Variants in SUDS3 observed in about 807,000 individuals in gnomAD.
SUDS3 encodes SIN3A corepressor complex component SDS3, also known as sin3 histone deacetylase corepressor complex component SDS3.
A neutral mutation model predicts 53.5 loss-of-function variants in SUDS3; 23 were observed. The ratio of observed to expected loss-of-function variants is 0.43; its 90% CI spans 0.31 to 0.61. The LOEUF is 0.61. Among genes scored for constraint, SUDS3 ranks in the 20% least tolerant of loss-of-function variants. SUDS3 has a pLI of 0.10. For synonymous variants in SUDS3, 150 were observed against 148.5 expected (o/e 1.01, Z -0.08); for missense variants, 291 against 405.9 (o/e 0.72, Z 2.43).
chr12:118,406,352 G>A (rs2046308249), intron 10 of SUDS3, among the ~76,000 whole-genome samples: 1 of 152,128 alleles, frequency 6.6e-6, no homozygotes, highest in South Asian at 2.1e-4. Flanking sequence ...GACTCCTTGA[G>A]GTTCTGTAGC....
At chr12:118,401,929 A>G in intron 8 of SUDS3, 54 bp from the exon 9 acceptor site, 1 of 1,609,782 alleles carries the variant, frequency 6.2e-7, no homozygotes, top group Non-Finnish European at 8.5e-7. Flanking sequence ...TGACACCTGA[A>G]GTTGCACCTG....
At chr12:118,396,655 T>C (rs1027721553) in intron 6 of SUDS3, among the ~76,000 whole-genome samples, 3 of 152,250 alleles carry the variant, frequency 2.0e-5, no homozygotes, top group Admixed American at 6.5e-5. Context: ...GTATGTTGCA[T>C]TGAAGCTTTT....
Position 118,417,142 on chromosome 12 carries a change from A to G in SUDS3, c.*2709A>G, listed in dbSNP as rs574782965. On this transcript the variant is annotated 3_prime_UTR_variant, in exon 12 of 12. Coordinates refer to ENST00000543473, the MANE Select transcript of SUDS3 (RefSeq NM_022491.3). Reference sequence around the variant, plus strand: ...AATTTCCAGATGGATTTCTGTAGCCATACCAAAGCCAGGGTGTTTTCATTC... The same window carrying G: ...AATTTCCAGATGGATTTCTGTAGCCGTACCAAAGCCAGGGTGTTTTCATTC... 7 of 152,014 alleles carry G rather than the reference A, an allele frequency of 4.6e-5. No individual in the cohort carries two copies. Among genetic ancestry groups the G allele is most frequent in the East Asian group, 1.9e-4 (1 of 5,162 alleles). The allele number at this position is 152,014 out of a possible 1,614,324, so 9.4% of individuals were successfully genotyped here. A position where few individuals can be genotyped will look rare whatever the true frequency, so the allele number is the denominator to read the frequency against.
intron 7 of SUDS3, 71 bp from the exon 8 acceptor site, chr12:118,401,688 G>A: frequency 8.2e-7 from 1 of 1,215,202 alleles, no homozygotes; most frequent in Non-Finnish European, 1.2e-6. Flanking sequence ...CTAAAATACT[G>A]GTACCATTGT....
rs1017064886 is a variant in SUDS3, at chr12:118,415,632, C to T, written c.*1199C>T. ...ACTCATGTTGCCATCTTGAGATGTT[C>T]AAAAAATTTGGGGTTAGAGCAACTG... On this transcript the variant is annotated 3_prime_UTR_variant, in exon 12 of 12. Coordinates refer to ENST00000543473, the MANE Select transcript of SUDS3 (RefSeq NM_022491.3). The T allele has an allele frequency of 1.3e-5, 2 of 152,032 alleles. No homozygotes were observed. Among genetic ancestry groups the T allele is most frequent in the Non-Finnish European group, 2.9e-5 (2 of 68,010 alleles). 9.4% of individuals were successfully genotyped at this position (152,032 alleles called of 1,614,324 possible).
In SUDS3 at chr12:118,386,191, GCTCCTTTA is replaced by G; in HGVS notation, c.340+7_340+14del. The G allele has an allele frequency of 6.3e-7, 1 of 1,591,774 alleles. No individual in the cohort carries two copies. Among genetic ancestry groups the G allele is most frequent in the Non-Finnish European group, 8.6e-7 (1 of 1,168,344 alleles). On this transcript the variant is annotated splice_region_variant and intron_variant, in intron 4 of 11. Coordinates refer to ENST00000543473, the MANE Select transcript of SUDS3 (RefSeq NM_022491.3). ...AGAGAGGATACGGAATGCAGGTAAG[GCTCCTTTA>G]AATGGCAATGAATCATCTTTCAATG...
At chr12:118,414,245 C>A in intron 11 of SUDS3, 90 bp from the exon 12 acceptor site, 1 of 924,430 alleles carries the variant, frequency 1.1e-6, no homozygotes, top group South Asian at 1.6e-5. Context: ...CTTCTGCTTG[C>A]ATCTCACTCG....
intron 2 of SUDS3, among the ~76,000 whole-genome samples, chr12:118,382,828 T>A (rs1249410489): frequency 1.1e-5 from 1 of 87,506 alleles, no homozygotes; most frequent in Non-Finnish European, 2.2e-5. Context: ...CCACCACGTC[T>A]GGCTAATTTT....
intron 4 of SUDS3, among the ~76,000 whole-genome samples, chr12:118,387,357 CT>C (rs948186389): frequency 4.6e-5 from 7 of 152,158 alleles, no homozygotes; most frequent in African/African-American, 1.7e-4. Flanking sequence ...AGATCTGATC[CT>C]TTAAGCAGAA....
At chr12:118,391,905 G>C (rs2046171493) in intron 6 of SUDS3, among the ~76,000 whole-genome samples, 1 of 152,210 alleles carries the variant, frequency 6.6e-6, no homozygotes, top group Non-Finnish European at 1.5e-5. Flanking sequence ...AGGTAGGAAA[G>C]TTACATGAGA....
chr12:118,376,649 C>T lies in SUDS3; in HGVS notation c.-43C>T. 2 of 1,417,862 alleles carry T rather than the reference C, an allele frequency of 1.4e-6. No individual in the cohort carries two copies. The highest frequency in any genetic ancestry group is 1.8e-6 in the Non-Finnish European group (2 of 1,093,908). 87.8% of individuals were successfully genotyped at this position (1,417,862 alleles called of 1,614,324 possible). ...GACGGCGAGTACCGAGCGCGGGTGG[C>T]CGCGGTGTCCGTGGGCCACGCTCAG... On this transcript the variant is annotated 5_prime_UTR_variant, in exon 1 of 12. Transcript: ENST00000543473.
rs528259660 is a variant in SUDS3 at position 118,390,228 on chromosome 12, CG to C, written c.360+284del. Among the ~76,000 whole-genome samples the C allele has an allele frequency of 3.7e-4, 56 of 152,326 alleles. No individual in the cohort carries two copies. The East Asian group carries it at 0.011, about 29-fold the overall frequency. ...CTGTTTGGAAGTCTCTGAGTTATAA[CG>C]GCCTAATAGTTTGATATTGGTCCTT... On this transcript the variant is annotated intron_variant, in intron 5 of 11. Coordinates refer to ENST00000543473, the MANE Select transcript of SUDS3 (RefSeq NM_022491.3).
chr12:118,381,397 T>C (rs1797851634), intron 2 of SUDS3, among the ~76,000 whole-genome samples: 2 of 151,306 alleles, frequency 1.3e-5, no homozygotes, highest in Non-Finnish European at 2.9e-5. Flanking sequence ...ATTTTTTTTG[T>C]GTGGAGATGG....
chr12:118,406,123 G>A (rs147250400), intron 10 of SUDS3, among the ~76,000 whole-genome samples: 138 of 152,180 alleles, frequency 9.1e-4, no homozygotes, highest in African/African-American at 2.6e-3. Flanking sequence ...TTTTGATTTG[G>A]ACTAATGATC....
At chr12:118,379,703 C>T (rs1456997689) in intron 1 of SUDS3, among the ~76,000 whole-genome samples, 1 of 152,224 alleles carries the variant, frequency 6.6e-6, no homozygotes, top group East Asian at 1.9e-4. Flanking sequence ...AGTCTTACGC[C>T]TGCATCTCCT....
In SUDS3 at chr12:118,401,773, T is replaced by C; in HGVS notation, c.628T>C (p.Leu210=). The part of the protein sequence containing the change: ...RKPAPAQLNY[L]LTDEQIMEDL... ...ACTCTCAACACCCCAGCTAAACTAT[T>C]TGTTAACAGATGAACAGATCATGGA... The change falls in exon 8 of 12, where the codon TTG becomes CTG. Residue 210 remains leucine (L), a synonymous_variant. Coordinates refer to ENST00000543473, the MANE Select transcript of SUDS3 (RefSeq NM_022491.3). 6.2e-7 allele frequency: 1 copy of C among 1,613,832 alleles called. No homozygotes were observed. Among genetic ancestry groups the C allele is most frequent in the South Asian group, 1.1e-5 (1 of 91,072 alleles).
chr12:118,378,833 C>T (rs919655747), intron 1 of SUDS3, among the ~76,000 whole-genome samples: 4 of 151,978 alleles, frequency 2.6e-5, no homozygotes, highest in African/African-American at 9.7e-5. Flanking sequence ...GTGCCGCCAC[C>T]CCCAGCTAAT....
chr12:118,414,766 G>A lies in SUDS3; in HGVS notation c.*333G>A, dbSNP rs12422721. The A allele has an allele frequency of 2.1e-3, 400 of 194,700 alleles. No homozygotes were observed. Among genetic ancestry groups the A allele is most frequent in the Middle Eastern group, 0.012 (6 of 500 alleles). 12.1% of individuals were successfully genotyped at this position (194,700 alleles called of 1,614,324 possible). A position where few individuals can be genotyped will look rare whatever the true frequency, so the allele number is the denominator to read the frequency against. ...AACCTCCTCTGAGTTTGAAGGGACAGCTATTTTTATTGATTATCTTTAAGT... is the reference window on the plus strand; with the variant it reads ...AACCTCCTCTGAGTTTGAAGGGACAACTATTTTTATTGATTATCTTTAAGT... On this transcript the variant is annotated 3_prime_UTR_variant, in exon 12 of 12. Transcript: ENST00000543473.
intron 9 of SUDS3, chr12:118,402,557 T>C (rs2046272321): frequency 6.5e-6 from 1 of 153,596 alleles, no homozygotes; most frequent in Admixed American, 6.5e-5. Context: ...TTTTTTTGTT[T>C]AAAGCACCAT....
Sources: allele counts gnomAD v4.1 joint callset (sites outside exome capture counted in the v4.1 genomes callset), GRCh38; gene constraint gnomAD v4.1.1; transcripts MANE v1.5; gene names NCBI Gene and HGNC (gene_info 2026-07-23, HGNC 2026-07-21).